Variants in HORMAD2 observed in about 807,000 individuals in gnomAD.
HORMAD2 encodes HORMA domain-containing protein 2.
Under a neutral mutation model 38.8 loss-of-function variants are expected in HORMAD2, and 45 were observed. The ratio of observed to expected loss-of-function variants is 1.16; its 90% CI spans 0.91 to 1.49. HORMAD2 has a LOEUF of 1.49. HORMAD2 is among the 40% of genes most tolerant of loss of function. The pLI is 0.00. For synonymous variants in HORMAD2, 126 were observed against 122.8 expected, an observed-to-expected ratio of 1.03 and a Z score of -0.17; for missense variants, 338 against 367.0, an observed-to-expected ratio of 0.92 and a Z score of 0.65.
At chr22:30,134,714 C>T (rs1325689943) in intron 10 of HORMAD2, among the ~76,000 whole-genome samples, 1 of 151,468 alleles carries the variant, frequency 6.6e-6, no homozygotes, top group Admixed American at 6.6e-5. Context: ...AAAAAAAGTT[C>T]TACTATATTC....
intron 1 of HORMAD2, among the ~76,000 whole-genome samples, chr22:30,091,360 C>T (rs1413518281): frequency 6.7e-6 from 1 of 150,352 alleles, no homozygotes; most frequent in East Asian, 2.0e-4. Flanking sequence ...GCCTTGAACT[C>T]CTGGGCTCAA....
intron 8 of HORMAD2, among the ~76,000 whole-genome samples, chr22:30,120,409 A>T (rs1922347413): frequency 6.6e-6 from 1 of 152,200 alleles, no homozygotes; most frequent in Admixed American, 6.5e-5. Context: ...ATGAATTCAC[A>T]CTGTCTCCAA....
At chr22:30,183,913 C>A in the HORMAD2 span, among the ~76,000 whole-genome samples, 1 of 152,206 alleles carries the variant, frequency 6.6e-6, no homozygotes, top group South Asian at 2.1e-4. Flanking sequence ...CTTCATTCCC[C>A]TGCCTTCAAT....
chr22:30,135,588 C>T (rs1334152967), intron 10 of HORMAD2, among the ~76,000 whole-genome samples: 23 of 152,096 alleles, frequency 1.5e-4, no homozygotes, highest in Admixed American at 1.5e-3. Context: ...CAAAACTCCA[C>T]AAGCCTGGAC....
chr22:30,083,141 C>T (rs1023629401), intron 1 of HORMAD2, among the ~76,000 whole-genome samples: 1 of 152,088 alleles, frequency 6.6e-6, no homozygotes, highest in Non-Finnish European at 1.5e-5. Context: ...TGGCACATGG[C>T]CTCTAGTACT....
At chr22:30,158,956 A>G (rs911066556) in intron 10 of HORMAD2, among the ~76,000 whole-genome samples, 1 of 152,074 alleles carries the variant, frequency 6.6e-6, no homozygotes, top group African/African-American at 2.4e-5. Flanking sequence ...AAGTTCTGGT[A>G]TTACAGGCAT....
At chr22:30,095,863 A>C (rs560017755) in intron 2 of HORMAD2, among the ~76,000 whole-genome samples, 41 of 152,260 alleles carry the variant, frequency 2.7e-4, no homozygotes, top group African/African-American at 9.6e-4. Flanking sequence ...TTACGAACTT[A>C]ACACATTGTT....
At chr22:30,165,193 T>A (rs936306845) in intron 10 of HORMAD2, among the ~76,000 whole-genome samples, 1 of 152,200 alleles carries the variant, frequency 6.6e-6, no homozygotes, top group Non-Finnish European at 1.5e-5. Context: ...CTATCTTTCC[T>A]CATTGAAAAT....
the HORMAD2 span, among the ~76,000 whole-genome samples, chr22:30,185,910 T>C: frequency 6.6e-6 from 1 of 151,608 alleles, no homozygotes; most frequent in African/African-American, 2.4e-5. Context: ...CTAAGGAAAT[T>C]ATATAAAGGT....
intron 10 of HORMAD2, among the ~76,000 whole-genome samples, chr22:30,143,458 G>T (rs1338696393): frequency 6.6e-6 from 1 of 151,138 alleles, no homozygotes; most frequent in African/African-American, 2.4e-5. Context: ...TTGGCTGACA[G>T]TTTTTTTTTC....
intron 8 of HORMAD2, among the ~76,000 whole-genome samples, chr22:30,119,475 C>T (rs1922287005): frequency 6.6e-6 from 1 of 152,188 alleles, no homozygotes; most frequent in Admixed American, 6.5e-5. Flanking sequence ...CCCAGTATGT[C>T]ATATAAATAT....
chr22:30,093,021 A>G (rs975341779), intron 1 of HORMAD2, among the ~76,000 whole-genome samples: 2 of 152,140 alleles, frequency 1.3e-5, no homozygotes, highest in Non-Finnish European at 2.9e-5. Flanking sequence ...CGTTTCTATG[A>G]AGAGTGTAAT....
chr22:30,143,908 C>A (rs1315814574), intron 10 of HORMAD2, among the ~76,000 whole-genome samples: 1 of 152,178 alleles, frequency 6.6e-6, no homozygotes, highest in African/African-American at 2.4e-5. Flanking sequence ...GTTGCTCCCA[C>A]TCTTGCCATG....
intron 10 of HORMAD2, among the ~76,000 whole-genome samples, chr22:30,169,526 C>G (rs1298779790): frequency 6.6e-6 from 1 of 152,090 alleles, no homozygotes; most frequent in East Asian, 1.9e-4. Flanking sequence ...AGTCATGGTC[C>G]AGAACTCTGG....
At chr22:30,205,718 G>A in the HORMAD2 span, among the ~76,000 whole-genome samples, 1 of 152,186 alleles carries the variant, frequency 6.6e-6, no homozygotes, top group Non-Finnish European at 1.5e-5. Context: ...GGAGGGAGGA[G>A]AGGAATTTGG....
chr22:30,188,235 T>C, the HORMAD2 span, among the ~76,000 whole-genome samples: 6 of 152,166 alleles, frequency 3.9e-5, no homozygotes, highest in Non-Finnish European at 8.8e-5. Flanking sequence ...AGCATAGATA[T>C]GTGCTGACCT....
intron 10 of HORMAD2, among the ~76,000 whole-genome samples, chr22:30,139,268 A>C (rs900465297): frequency 4.2e-5 from 6 of 142,706 alleles, no homozygotes; most frequent in African/African-American, 1.6e-4. Flanking sequence ...ATATATATAT[A>C]TATATATATA....
the HORMAD2 span, among the ~76,000 whole-genome samples, chr22:30,184,438 A>G: frequency 6.6e-6 from 1 of 152,228 alleles, no homozygotes; most frequent in Non-Finnish European, 1.5e-5. Context: ...ATGGAGTTTT[A>G]TTAAATATAG....
At chr22:30,112,931 AAAAT>A (rs748050332) in intron 7 of HORMAD2, among the ~76,000 whole-genome samples, 3 of 151,762 alleles carry the variant, frequency 2.0e-5, no homozygotes, top group Non-Finnish European at 4.4e-5. Flanking sequence ...GCCTTTTGGG[AAAAT>A]AAATGAGATA....
Sources: gnomAD v4.1 joint callset for allele counts (sites outside exome capture counted in the v4.1 genomes callset) on GRCh38, gnomAD v4.1.1 for gene constraint, MANE v1.5 for transcripts, NCBI Gene and HGNC (gene_info 2026-07-23, HGNC 2026-07-21) for gene names.